Variants in EPHA6 observed in about 807,000 individuals in gnomAD.
EPHA6 encodes ephrin type-A receptor 6.
In EPHA6, 50 loss-of-function variants were observed where a neutral mutation model predicts 112.0. The observed-to-expected ratio is 0.45, with a 90% confidence interval of 0.36 to 0.56. The LOEUF is 0.56. Among genes scored for constraint, EPHA6 ranks in the 20% least tolerant of loss-of-function variants. The pLI is 0.00. For missense variants in EPHA6, 1,280 were observed against 1,417.4 expected (o/e 0.90, Z 1.56); for synonymous variants, 529 against 490.7 (o/e 1.08, Z -1.03).
At chr3:97,514,336 C>T (rs887110185) in intron 10 of EPHA6, among the ~76,000 whole-genome samples, 9 of 152,174 alleles carry the variant, frequency 5.9e-5, no homozygotes, top group Non-Finnish European at 1.3e-4. Flanking sequence ...CTCCTCCCAC[C>T]TCCTTCTCTG....
chr3:96,987,390 A>G lies in EPHA6; in HGVS notation c.511A>G (p.Asn171Asp). Residue 171 changes from asparagine to aspartate, a missense_variant, in exon 3 of 18, where the codon AAT becomes GAT. Asn to Asp is a conservative substitution (Grantham distance 23, BLOSUM62 1). Coordinates refer to ENST00000389672, the MANE Select transcript of EPHA6 (RefSeq NM_001080448.3). Reference sequence around the variant, plus strand: ...GCCCATTCACACATACCAGGTATGTAATGTAATGGAACCAAACCAAAACAA... The same window carrying G: ...GCCCATTCACACATACCAGGTATGTGATGTAATGGAACCAAACCAAAACAA... ...NRPIHTYQVC[N>D]VMEPNQNNWL... is the part of the protein sequence containing the mutation. The G allele has an allele frequency of 6.2e-7, 1 of 1,613,896 alleles. No homozygotes were observed. Among genetic ancestry groups the G allele is most frequent in the Non-Finnish European group, 8.5e-7 (1 of 1,179,794 alleles).
In EPHA6 at chr3:97,190,866, A is replaced by AT. The variant is rs2077285997; in HGVS notation, c.1115-35397dup. ...CATGTACCCTAAAACTTAAAGTATA[A>AT]TAAAAAAAAAGTCTATTAGCAATTT... On this transcript the variant is annotated intron_variant, in intron 3 of 17. Transcript: ENST00000389672. Among the ~76,000 whole-genome samples, 4 of 152,150 alleles carry AT rather than the reference A, an allele frequency of 2.6e-5. No homozygotes were observed. In the South Asian group the frequency reaches 6.2e-4, roughly 24 times the overall value.
At chr3:97,714,210 ATAAT>A (rs918457589) in intron 14 of EPHA6, among the ~76,000 whole-genome samples, 2 of 152,246 alleles carry the variant, frequency 1.3e-5, no homozygotes, top group African/African-American at 4.8e-5. Flanking sequence ...CTTTGGATAC[ATAAT>A]TAAGGAAACA....
intron 3 of EPHA6, among the ~76,000 whole-genome samples, chr3:97,174,386 C>G (rs2076778752): frequency 6.6e-6 from 1 of 151,746 alleles, no homozygotes; most frequent in Admixed American, 6.6e-5. Flanking sequence ...CTTTAATATA[C>G]TGATTTCCTT....
At chr3:96,824,730 A>G (rs1038122974) in intron 1 of EPHA6, among the ~76,000 whole-genome samples, 1 of 152,014 alleles carries the variant, frequency 6.6e-6, no homozygotes, top group Non-Finnish European at 1.5e-5. Flanking sequence ...TCTACAAACT[A>G]TTGTTTACAG....
At chr3:96,889,921 T>C (rs2037855847) in intron 2 of EPHA6, among the ~76,000 whole-genome samples, 1 of 152,104 alleles carries the variant, frequency 6.6e-6, no homozygotes, top group African/African-American at 2.4e-5. Context: ...TGCAATAATA[T>C]GAGAAAAACA....
chr3:97,114,304 A>G (rs1406998351), intron 3 of EPHA6, among the ~76,000 whole-genome samples: 1 of 152,148 alleles, frequency 6.6e-6, no homozygotes, highest in Non-Finnish European at 1.5e-5. Flanking sequence ...ACAACAAATT[A>G]CTACTTTATA....
At chr3:97,634,520 G>A (rs1157403168) in intron 13 of EPHA6, among the ~76,000 whole-genome samples, 1 of 152,052 alleles carries the variant, frequency 6.6e-6, no homozygotes. Context: ...GTGCACGCAG[G>A]AACTTTGTTG....
intron 2 of EPHA6, among the ~76,000 whole-genome samples, chr3:96,919,177 T>C (rs906351734): frequency 6.6e-6 from 1 of 151,900 alleles, no homozygotes; most frequent in African/African-American, 2.4e-5. Flanking sequence ...GCCTACTCTT[T>C]GCTATGTTGA....
rs11929314 is a variant in EPHA6 at position 97,661,265 on chromosome 3, A to G, written c.2784+23183A>G. Among the ~76,000 whole-genome samples, 509 of 152,132 alleles carry G rather than the reference A, an allele frequency of 3.3e-3. 4 individuals are homozygous for G. The highest frequency in any genetic ancestry group is 0.011 in the African/African-American group (476 of 41,542). ...TTTCAGAGTGAAAAGAATTGTAGCT[A>G]AGATTGTACTCCCTAACGCTGGTCA... On this transcript the variant is annotated intron_variant, in intron 14 of 17. Coordinates refer to ENST00000389672, the MANE Select transcript of EPHA6 (RefSeq NM_001080448.3).
intron 3 of EPHA6, among the ~76,000 whole-genome samples, chr3:97,193,633 C>G (rs1026391630): frequency 7.3e-5 from 11 of 151,314 alleles, no homozygotes; most frequent in Admixed American, 7.3e-4. Context: ...TTATATCTTT[C>G]TCTTATCTGA....
intron 3 of EPHA6, among the ~76,000 whole-genome samples, chr3:97,178,157 A>G (rs2076889207): frequency 2.0e-5 from 3 of 152,018 alleles, no homozygotes; most frequent in Admixed American, 6.6e-5. Context: ...CTATCTCATA[A>G]CCCACTATTG....
At chr3:97,474,248 G>A (rs577299467) in intron 7 of EPHA6, among the ~76,000 whole-genome samples, 1 of 151,814 alleles carries the variant, frequency 6.6e-6, no homozygotes, top group Non-Finnish European at 1.5e-5. Flanking sequence ...TCTGCAGTTT[G>A]CTTCTCAGTT....
intron 2 of EPHA6, among the ~76,000 whole-genome samples, chr3:96,924,860 A>T (rs2039954463): frequency 1.3e-5 from 2 of 152,086 alleles, no homozygotes; most frequent in African/African-American, 4.8e-5. Flanking sequence ...ATTGAATTTT[A>T]TTGAAGGCCT....
At chr3:97,435,506 T>C (rs1323240868) in intron 6 of EPHA6, among the ~76,000 whole-genome samples, 4 of 152,166 alleles carry the variant, frequency 2.6e-5, no homozygotes, top group South Asian at 4.1e-4. Context: ...ATCTGGACTA[T>C]GCATTGAGTT....
intron 5 of EPHA6, among the ~76,000 whole-genome samples, chr3:97,322,488 C>T (rs1263819985): frequency 2.0e-5 from 3 of 151,936 alleles, no homozygotes; most frequent in Non-Finnish European, 4.4e-5. Context: ...CACTGCTTTC[C>T]ATGGCAAATA....
intron 3 of EPHA6, among the ~76,000 whole-genome samples, chr3:97,082,049 T>C (rs115944541): frequency 0.013 from 1,913 of 151,826 alleles, 37 homozygotes; most frequent in African/African-American, 0.041. Flanking sequence ...TAATTTTTGA[T>C]TGAAAAGTAA....
At chr3:96,839,234 T>C (rs956991367) in intron 1 of EPHA6, among the ~76,000 whole-genome samples, 29 of 152,174 alleles carry the variant, frequency 1.9e-4, no homozygotes, top group African/African-American at 6.0e-4. Flanking sequence ...GAGGTGAGCA[T>C]TGGGCAAGCA....
chr3:97,644,536 C>A (rs1457097945), intron 14 of EPHA6, among the ~76,000 whole-genome samples: 1 of 151,912 alleles, frequency 6.6e-6, no homozygotes, highest in African/African-American at 2.4e-5. Flanking sequence ...ATTGATAGAC[C>A]ACTAGCAAGA....
Sources: gnomAD v4.1 joint callset for allele counts (sites outside exome capture counted in the v4.1 genomes callset) on GRCh38, gnomAD v4.1.1 for gene constraint, MANE v1.5 for transcripts, NCBI Gene and HGNC (gene_info 2026-07-23, HGNC 2026-07-21) for gene names.